The following MZT2B variants were observed in gnomAD, a reference collection of about 807,000 sequenced individuals.
MZT2B encodes the protein mitotic spindle organizing protein 2B.
A neutral mutation model predicts 12.1 loss-of-function variants in MZT2B; 11 were observed. The ratio of observed to expected loss-of-function variants is 0.91; its 90% confidence interval spans 0.57 to 1.50. MZT2B has a LOEUF of 1.50. Among genes scored for constraint, MZT2B ranks in the 40% most tolerant of loss-of-function variants. MZT2B has a pLI of 0.00. For missense variants in MZT2B, 209 were observed against 227.7 expected, an observed-to-expected ratio of 0.92 and a Z score of 0.53; for synonymous variants, 85 against 109.5, an observed-to-expected ratio of 0.78 and a Z score of 1.40.
At chr2:130,191,046 T>C (rs907187251), downstream of MZT2B, among the ~76,000 whole-genome samples, 4 of 152,282 alleles carry the variant, frequency 2.6e-5, no homozygotes, top group Non-Finnish European at 4.4e-5. Context: ...GCCTCCTGGG[T>C]TCACGCCATT....
the MZT2B span, among the ~76,000 whole-genome samples, chr2:130,201,590 G>C: frequency 4.6e-5 from 7 of 152,150 alleles, no homozygotes; most frequent in Admixed American, 6.5e-5. Context: ...ATATTGGCGG[G>C]GGGGGACACC....
chr2:130,195,029 A>G, downstream of MZT2B: 1 of 1,602,192 alleles, frequency 6.2e-7, no homozygotes, highest in Non-Finnish European at 8.5e-7. Context: ...CATTCCAAGA[A>G]CTACCCCTCC....
At position 130,184,075 on chromosome 2, in the gene MZT2B, G is replaced by A. The variant is rs1573759832; in HGVS notation, c.319+1300G>A. On this transcript the variant is annotated intron_variant, in intron 2 of 2. Transcript: ENST00000281871. Reference sequence around the variant, plus strand: ...CTTTGAGCTCCAAGGGCAGGACCATGCAGGCCATCGCTGCCCTGCCGCTTA... The same window carrying A: ...CTTTGAGCTCCAAGGGCAGGACCATACAGGCCATCGCTGCCCTGCCGCTTA... The A allele has an allele frequency of 7.8e-6, 12 of 1,547,768 alleles. No individual in the cohort carries two copies. In the East Asian group the frequency reaches 2.9e-4, roughly 38 times the overall value.
At chr2:130,188,478 T>C (rs1262585038) in intron 2 of MZT2B, among the ~76,000 whole-genome samples, 1 of 152,204 alleles carries the variant, frequency 6.6e-6, no homozygotes, top group African/African-American at 2.4e-5. Context: ...GCGTGGTGGC[T>C]ATTGTCTGCT....
At chr2:130,191,315 C>G (rs1290593965), downstream of MZT2B, among the ~76,000 whole-genome samples, 1 of 152,126 alleles carries the variant, frequency 6.6e-6, no homozygotes, top group Non-Finnish European at 1.5e-5. Context: ...TTGTGACCTT[C>G]TGTGGGTCAC....
chr2:130,194,030 G>A (rs1211538801), downstream of MZT2B: 2 of 1,614,106 alleles, frequency 1.2e-6, no homozygotes, highest in African/African-American at 1.3e-5. Flanking sequence ...TGGGGCGTAG[G>A]TGGCCAGGGG....
chr2:130,187,858 A>G (rs1011070343), intron 2 of MZT2B, among the ~76,000 whole-genome samples: 1 of 152,120 alleles, frequency 6.6e-6, no homozygotes, highest in African/African-American at 2.4e-5. Flanking sequence ...TCACATTTCC[A>G]GGGTTTGTCA....
downstream of MZT2B, chr2:130,190,858 G>T: frequency 1.0e-6 from 1 of 975,626 alleles, no homozygotes. Context: ...TCAACTTCCT[G>T]AACCTGATTT....
At chr2:130,186,221 C>G (rs1690058932) in intron 2 of MZT2B, among the ~76,000 whole-genome samples, 1 of 152,168 alleles carries the variant, frequency 6.6e-6, no homozygotes, top group South Asian at 2.1e-4. Flanking sequence ...GTTCTCCAGG[C>G]TGTGGGCCAG....
chr2:130,202,977 T>G, the MZT2B span, among the ~76,000 whole-genome samples: 1 of 152,122 alleles, frequency 6.6e-6, no homozygotes, highest in African/African-American at 2.4e-5. Context: ...TAGTAAGATA[T>G]CTGAACTTTA....
chr2:130,187,368 T>C (rs1485380202), intron 2 of MZT2B, among the ~76,000 whole-genome samples: 1 of 152,106 alleles, frequency 6.6e-6, no homozygotes, highest in Non-Finnish European at 1.5e-5. Flanking sequence ...TTTAATTTTT[T>C]GTAGAGATGG....
the MZT2B span, chr2:130,196,011 T>C: frequency 7.2e-7 from 1 of 1,393,168 alleles, no homozygotes; most frequent in East Asian, 2.5e-5. Flanking sequence ...CCTTTCAGTT[T>C]CTCTCCTAAC....
chr2:130,201,959 C>G, the MZT2B span, among the ~76,000 whole-genome samples: 2 of 152,096 alleles, frequency 1.3e-5, no homozygotes, highest in Admixed American at 6.6e-5. Context: ...TGTTGTTGAC[C>G]GAAACATCAT....
chr2:130,194,812 G>A (rs1690363922), downstream of MZT2B, among the ~76,000 whole-genome samples: 1 of 152,132 alleles, frequency 6.6e-6, no homozygotes, highest in Non-Finnish European at 1.5e-5. Context: ...CAAGTAGCTG[G>A]CAGTACAGGT....
rs562668132 is a variant in MZT2B at position 130,185,562 on chromosome 2, G to C, written c.319+2787G>C. Among the ~76,000 whole-genome samples the C allele has an allele frequency of 3.9e-4, 46 of 116,884 alleles. 13 individuals are homozygous for C. The East Asian group carries it at 6.3e-3, about 16-fold the overall frequency. The allele number at this position is 116,884 out of a possible 152,430, so 76.7% of individuals were successfully genotyped here. ...CCAGAGAGCAGCAAGGGTTACACAG[G>C]GGGGTAACAAGGGTTACAGCAGGAG... On this transcript the variant is annotated intron_variant, in intron 2 of 2. Transcript: ENST00000281871.
chr2:130,197,718 C>A, the MZT2B span, among the ~76,000 whole-genome samples: 1 of 123,518 alleles, frequency 8.1e-6, no homozygotes, highest in Admixed American at 9.2e-5. Flanking sequence ...CTGATCCTCC[C>A]ACCTCAGCCT....
At chr2:130,186,306 CA>C (rs1358030888) in intron 2 of MZT2B, among the ~76,000 whole-genome samples, 1 of 152,094 alleles carries the variant, frequency 6.6e-6, no homozygotes, top group Non-Finnish European at 1.5e-5. Context: ...GCCATCCAGA[CA>C]GCCTGTGGGG....
the MZT2B span, among the ~76,000 whole-genome samples, chr2:130,200,418 C>G: frequency 6.8e-6 from 1 of 147,192 alleles, no homozygotes; most frequent in East Asian, 1.9e-4. Flanking sequence ...TATTTATTGT[C>G]TCTACATTGT....
the MZT2B span, among the ~76,000 whole-genome samples, chr2:130,201,175 A>G: frequency 2.1e-4 from 32 of 152,348 alleles, no homozygotes; most frequent in Non-Finnish European, 3.2e-4. Flanking sequence ...TCCCTTAGAA[A>G]GATGCTTTGG....
Sources: gnomAD v4.1 joint callset for allele counts (sites outside exome capture counted in the v4.1 genomes callset) on GRCh38, gnomAD v4.1.1 for gene constraint, MANE v1.5 for transcripts, NCBI Gene and HGNC (gene_info 2026-07-23, HGNC 2026-07-21) for gene names.